Variants in ATPAF1 observed in about 807,000 individuals in gnomAD.
ATPAF1 encodes homolog of yeast ATP11.
Under a neutral mutation model 43.9 loss-of-function variants are expected in ATPAF1, and 26 were observed. The ratio of observed to expected loss-of-function variants is 0.59; its 90% CI spans 0.43 to 0.82. The LOEUF is 0.82. ATPAF1 is among the 40% of genes least tolerant of loss of function. The probability of loss-of-function intolerance (pLI) is 0.00; values close to 1 mark genes in which losing one functional copy is unlikely to be tolerated. For synonymous variants in ATPAF1, 157 were observed against 168.0 expected, an observed-to-expected ratio of 0.93 and a Z score of 0.50; for missense variants, 366 against 435.0, an observed-to-expected ratio of 0.84 and a Z score of 1.41.
At chr1:46,638,795 C>A (rs1419030026) in intron 8 of ATPAF1, among the ~76,000 whole-genome samples, 1 of 151,652 alleles carries the variant, frequency 6.6e-6, no homozygotes, top group Non-Finnish European at 1.5e-5. Context: ...GCAACAGTCT[C>A]CTCCTTTTCC....
intron 4 of ATPAF1, among the ~76,000 whole-genome samples, chr1:46,655,180 G>C (rs533019880): frequency 4.9e-4 from 74 of 152,272 alleles, no homozygotes; most frequent in Non-Finnish European, 9.3e-4. Flanking sequence ...CTCCCATTGT[G>C]TCCCTCCCAT....
At chr1:46,658,225 T>TC in intron 3 of ATPAF1, 36 bp from the exon 4 acceptor site, 2 of 1,385,262 alleles carry the variant, frequency 1.4e-6, no homozygotes, top group Non-Finnish European at 2.0e-6. Flanking sequence ...TAACACATAA[T>TC]TAAAAAAAAA....
At chr1:46,659,060 G>A (rs1024261727) in intron 2 of ATPAF1, among the ~76,000 whole-genome samples, 4 of 151,706 alleles carry the variant, frequency 2.6e-5, no homozygotes, top group African/African-American at 4.8e-5. Flanking sequence ...GCATAGTGGC[G>A]GGTGCCTGTG....
At chr1:46,639,176 GC>G (rs1675901017) in intron 8 of ATPAF1, among the ~76,000 whole-genome samples, 1 of 151,962 alleles carries the variant, frequency 6.6e-6, no homozygotes, top group South Asian at 2.1e-4. Context: ...CTCTTTTCAT[GC>G]CCTCAGGGTA....
chr1:46,633,418 G>GAAAAAA (rs11403101), downstream of ATPAF1: 1 of 205,466 alleles, frequency 4.9e-6, no homozygotes, highest in Non-Finnish European at 9.8e-6. Flanking sequence ...ATTTTAGATG[G>GAAAAAA]AAAAAAAACC....
intron 2 of ATPAF1, among the ~76,000 whole-genome samples, chr1:46,661,782 C>T (rs895364056): frequency 1.3e-5 from 2 of 152,118 alleles, no homozygotes; most frequent in Non-Finnish European, 2.9e-5. Flanking sequence ...AGCCGTTAGC[C>T]TTCCTCTATC....
downstream of ATPAF1, chr1:46,633,791 G>GT (rs1557922764): frequency 2.2e-6 from 1 of 456,270 alleles, no homozygotes; most frequent in South Asian, 1.5e-5. Context: ...TGGTGGAGGT[G>GT]TATCAATGTA....
chr1:46,645,404 T>C, intron 6 of ATPAF1, 148 bp from the exon 7 acceptor site: 3 of 656,540 alleles, frequency 4.6e-6, no homozygotes, highest in East Asian at 5.7e-5. Context: ...CGCTCTGTTG[T>C]CCAGGCTGCA....
At chr1:46,634,277 G>C (rs2148811739), downstream of ATPAF1, 1 of 181,444 alleles carries the variant, frequency 5.5e-6, no homozygotes, top group African/African-American at 2.4e-5. Flanking sequence ...CATATAACCA[G>C]ATCTTAGGCA....
chr1:46,647,331 C>T (rs914740127), intron 6 of ATPAF1, among the ~76,000 whole-genome samples: 1 of 152,176 alleles, frequency 6.6e-6, no homozygotes, highest in Admixed American at 6.6e-5. Context: ...ATAAATCATC[C>T]CATACCCACA....
Position 46,653,938 on chromosome 1 carries a change from A to C in ATPAF1, c.490-71T>G, listed in dbSNP as rs1390832999. 3 of 1,424,226 alleles carry C rather than the reference A, an allele frequency of 2.1e-6. No individual in the cohort carries two copies. In the East Asian group the frequency reaches 6.9e-5, roughly 33 times the overall value. The allele number at this position is 1,424,226 out of a possible 1,614,324, so 88.2% of individuals were successfully genotyped here. ...TCAACATGTGCCAAGAAATGGTGAC[A>C]GTTTTCATTGCTCAGAGGAATATGC... On this transcript the variant is annotated intron_variant, in intron 4 of 8. Transcript: ENST00000574428. This position sits in a 1 kb window ranked among gnomAD's most constrained non-coding sequence, Gnocchi z 4.8.
In ATPAF1 at chr1:46,654,534, A is replaced by AT. The variant is rs1289357873; in HGVS notation, c.490-668dup. On this transcript the variant is annotated intron_variant, in intron 4 of 8. Coordinates refer to ENST00000574428, the Ensembl canonical transcript of ATPAF1. ...TGGGCAATTTATTTATTTATTTATTATTATTATTATTATTATTATTATTAT... is the reference window on the plus strand; with the variant it reads ...TGGGCAATTTATTTATTTATTTATTATTTATTATTATTATTATTATTATTAT... 9.2e-5 allele frequency among the ~76,000 whole-genome samples: 11 copies of AT among 120,046 alleles called. No homozygotes were observed. In the East Asian group the frequency reaches 4.1e-3, roughly 45 times the overall value. The allele number at this position is 120,046 out of a possible 152,430, so 78.8% of individuals were successfully genotyped here. A position where few individuals can be genotyped will look rare whatever the true frequency, so the allele number is the denominator to read the frequency against.
chr1:46,666,493 A>G (rs1405705706), intron 1 of ATPAF1: 3 of 152,278 alleles, frequency 2.0e-5, no homozygotes, highest in African/African-American at 7.2e-5. Flanking sequence ...TAAATAAGTC[A>G]GACTCCCTAC....
chr1:46,658,641 C>G (rs1187952713), intron 3 of ATPAF1, 46 bp downstream of exon 3: 1 of 1,451,908 alleles, frequency 6.9e-7, no homozygotes, highest in African/African-American at 1.4e-5. Flanking sequence ...TCTAGATGTC[C>G]CATATGACTT....
intron 2 of ATPAF1, among the ~76,000 whole-genome samples, chr1:46,659,639 G>A (rs1042474566): frequency 6.6e-6 from 1 of 152,174 alleles, no homozygotes; most frequent in African/African-American, 2.4e-5. Context: ...AAAGGTCATA[G>A]CTAGTAAATC....
chr1:46,643,203 G>A, exon 8 of ATPAF1: 1 of 1,609,014 alleles, frequency 6.2e-7, no homozygotes, highest in South Asian at 1.1e-5. Context: ...CCAGAAATGT[G>A]GAATCCATTT....
At chr1:46,662,095 C>T (rs1408641146) in intron 2 of ATPAF1, among the ~76,000 whole-genome samples, 1 of 151,842 alleles carries the variant, frequency 6.6e-6, no homozygotes, top group African/African-American at 2.4e-5. Context: ...GGGGTTTCAC[C>T]GTGTTAGCCA....
intron 8 of ATPAF1, 106 bp from the exon 9 acceptor site, chr1:46,636,076 A>G: frequency 7.6e-7 from 1 of 1,308,344 alleles, no homozygotes; most frequent in Non-Finnish European, 1.1e-6. Context: ...CACCACTTCC[A>G]GAAAGTTTCC....
At chr1:46,664,003 G>T in intron 2 of ATPAF1, 1 of 855,712 alleles carries the variant, frequency 1.2e-6, no homozygotes, top group Non-Finnish European at 1.6e-6. Context: ...AGATGAAAGA[G>T]AATAAAAAGT....
Sources: allele counts gnomAD v4.1 joint callset (sites outside exome capture counted in the v4.1 genomes callset), GRCh38; gene constraint gnomAD v4.1.1; non-coding constraint Gnocchi (gnomAD v3.1); transcripts MANE v1.5; gene names NCBI Gene and HGNC (gene_info 2026-07-23, HGNC 2026-07-21).